Variants in LHFPL3 observed in about 807,000 individuals in gnomAD.
LHFPL3 encodes LHFPL tetraspan subfamily member 3 protein.
Under a neutral mutation model 19.3 loss-of-function variants are expected in LHFPL3, and 5 were observed. That is an observed-to-expected ratio of 0.26 (90% CI 0.14 to 0.54). The LOEUF is 0.54. Among genes scored for constraint, LHFPL3 ranks in the 20% least tolerant of loss-of-function variants. The probability of loss-of-function intolerance (pLI) is 0.94; values close to 1 mark genes in which losing one functional copy is unlikely to be tolerated. For synonymous variants in LHFPL3, 133 were observed against 126.2 expected (o/e 1.05, Z -0.36); for missense variants, 249 against 307.4 (o/e 0.81, Z 1.42).
At chr7:104,497,560 T>A (rs1233716991) in intron 1 of LHFPL3, among the ~76,000 whole-genome samples, 1 of 151,112 alleles carries the variant, frequency 6.6e-6, no homozygotes, top group Non-Finnish European at 1.5e-5. Flanking sequence ...ATTTTGGGGG[T>A]GAAATCTCAT....
At chr7:104,407,369 C>A (rs746492060) in intron 1 of LHFPL3, among the ~76,000 whole-genome samples, 1 of 152,092 alleles carries the variant, frequency 6.6e-6, no homozygotes, top group East Asian at 1.9e-4. Flanking sequence ...TTTAAGAGAA[C>A]CTTCTGGCTG....
intron 1 of LHFPL3, among the ~76,000 whole-genome samples, chr7:104,610,676 A>G (rs1791196712): frequency 6.6e-6 from 1 of 152,230 alleles, no homozygotes; most frequent in Non-Finnish European, 1.5e-5. Flanking sequence ...TGTCTATTCT[A>G]TTCAGATCTT....
At chr7:104,651,986 C>T (rs371046856) in intron 1 of LHFPL3, among the ~76,000 whole-genome samples, 1 of 152,144 alleles carries the variant, frequency 6.6e-6, no homozygotes, top group Admixed American at 6.5e-5. Flanking sequence ...TATCTACGTC[C>T]CCCATATGAT....
chr7:104,729,607 T>A (rs1793655025), intron 1 of LHFPL3, among the ~76,000 whole-genome samples: 1 of 152,158 alleles, frequency 6.6e-6, no homozygotes, highest in Admixed American at 6.5e-5. Context: ...TACGTATAAG[T>A]GAGGTCATGT....
intron 2 of LHFPL3, among the ~76,000 whole-genome samples, chr7:104,761,699 A>G (rs73415656): frequency 2.0e-5 from 3 of 152,244 alleles, no homozygotes; most frequent in African/African-American, 7.2e-5. Context: ...AAGCAAGTAG[A>G]ACAGTCGTAG....
rs1354446035 is a variant in LHFPL3 at position 104,399,993 on chromosome 7, A to T, written c.445+70769A>T. Reference sequence around the variant, plus strand: ...GTGGCAGATGCCTGTAATCCCAGCTACCCGGGAGGCTGAGGCTGAAGAATC... The same window carrying T: ...GTGGCAGATGCCTGTAATCCCAGCTTCCCGGGAGGCTGAGGCTGAAGAATC... On this transcript the variant is annotated intron_variant, in intron 1 of 2. Transcript: ENST00000424859. The surrounding 1 kb of genome is among the most constrained non-coding windows in gnomAD (Gnocchi z 4.4). Among the ~76,000 whole-genome samples, 1 of 150,734 alleles carries T rather than the reference A, an allele frequency of 6.6e-6. No homozygotes were observed. Among genetic ancestry groups the T allele is most frequent in the Non-Finnish European group, 1.5e-5 (1 of 67,676 alleles).
chr7:104,731,158 T>C (rs554398660), intron 1 of LHFPL3, among the ~76,000 whole-genome samples: 1 of 152,330 alleles, frequency 6.6e-6, no homozygotes, highest in African/African-American at 2.4e-5. Flanking sequence ...CCTTGTAGTA[T>C]AGTTTGAAGT....
At chr7:104,756,752 G>A (rs1368914556) in intron 2 of LHFPL3, among the ~76,000 whole-genome samples, 3 of 152,142 alleles carry the variant, frequency 2.0e-5, no homozygotes, top group Non-Finnish European at 4.4e-5. Context: ...CACCCACTTC[G>A]GCCTCCCAAA....
intron 1 of LHFPL3, among the ~76,000 whole-genome samples, chr7:104,678,841 A>G (rs996848908): frequency 6.6e-6 from 1 of 152,216 alleles, no homozygotes; most frequent in Admixed American, 6.5e-5. Context: ...TGCTTTTTAA[A>G]AACAACATGA....
At chr7:104,823,616 T>C (rs1562804087) in intron 2 of LHFPL3, among the ~76,000 whole-genome samples, 1 of 152,320 alleles carries the variant, frequency 6.6e-6, no homozygotes, top group Admixed American at 6.5e-5. Flanking sequence ...TAAAGATCAC[T>C]ATAGATTTAT....
intron 2 of LHFPL3, among the ~76,000 whole-genome samples, chr7:104,865,592 C>T (rs891775440): frequency 2.6e-5 from 4 of 152,140 alleles, no homozygotes; most frequent in African/African-American, 7.2e-5. Context: ...ACCAAATCTA[C>T]GTCTGACTGG....
At chr7:104,661,131 C>A (rs1442081934) in intron 1 of LHFPL3, among the ~76,000 whole-genome samples, 4 of 152,156 alleles carry the variant, frequency 2.6e-5, no homozygotes, top group African/African-American at 9.7e-5. Flanking sequence ...TCCATGACAT[C>A]TCTGGACCCA....
At chr7:104,639,973 G>A (rs910221853) in intron 1 of LHFPL3, among the ~76,000 whole-genome samples, 7 of 152,046 alleles carry the variant, frequency 4.6e-5, no homozygotes, top group Admixed American at 4.6e-4. Context: ...GCAAAATGGG[G>A]CTCATTCAGC....
At chr7:104,474,670 GACAACAACA>G (rs1356816416) in intron 1 of LHFPL3, among the ~76,000 whole-genome samples, 2 of 106,058 alleles carry the variant, frequency 1.9e-5, no homozygotes, top group Non-Finnish European at 3.6e-5. Flanking sequence ...CCATCACAAC[GACAACAACA>G]ACAACAACAA....
At chr7:104,743,284 A>G (rs1793971579) in intron 2 of LHFPL3, among the ~76,000 whole-genome samples, 1 of 152,086 alleles carries the variant, frequency 6.6e-6, no homozygotes, top group Non-Finnish European at 1.5e-5. Flanking sequence ...ACTCTGGTCC[A>G]TGGCAGAGGA....
intron 2 of LHFPL3, among the ~76,000 whole-genome samples, chr7:104,834,714 C>A (rs1440853730): frequency 6.6e-6 from 1 of 151,980 alleles, no homozygotes; most frequent in Non-Finnish European, 1.5e-5. Flanking sequence ...CATGTGTGCA[C>A]AATCCATTCA....
chr7:104,842,297 G>A (rs1216228858), intron 2 of LHFPL3, among the ~76,000 whole-genome samples: 1 of 140,542 alleles, frequency 7.1e-6, no homozygotes, highest in Non-Finnish European at 1.6e-5. Context: ...TGCGGGGGTG[G>A]GGGGGTGGGG....
At position 104,424,983 on chromosome 7, in the gene LHFPL3, T is replaced by TAAAAAA. The variant is rs71153196; in HGVS notation, c.445+95776_445+95781dup. ...GGCGACAGAGTGAGACTCCATCTCA[T>TAAAAAA]AAAAAAAAAAAAAAAAAAAAAAGAA... On this transcript the variant is annotated intron_variant, in intron 1 of 2. Coordinates refer to ENST00000424859, the MANE Select transcript of LHFPL3 (RefSeq NM_199000.3). 1.1e-3 allele frequency among the ~76,000 whole-genome samples: 72 copies of TAAAAAA among 65,144 alleles called. 1 individual carries two copies. Among genetic ancestry groups the TAAAAAA allele is most frequent in the African/African-American group, 2.9e-3 (45 of 15,262 alleles). The allele number at this position is 65,144 out of a possible 152,430, so 42.7% of individuals were successfully genotyped here.
In LHFPL3 at chr7:104,880,602, G is replaced by T. The variant is rs147558272; in HGVS notation, c.683-25585G>T. ...CTAGAAATGGAACAACAAAGCCTGG[G>T]TGACAGCACATCTCTTTACAGCATG... On this transcript the variant is annotated intron_variant, in intron 2 of 2. Transcript: ENST00000424859. 2.8e-3 allele frequency among the ~76,000 whole-genome samples: 422 copies of T among 151,782 alleles called. 11 individuals carry two copies. In the East Asian group the frequency reaches 0.041, roughly 15 times the overall value.
Sources: allele counts gnomAD v4.1 joint callset (sites outside exome capture counted in the v4.1 genomes callset), GRCh38; gene constraint gnomAD v4.1.1; non-coding constraint Gnocchi (gnomAD v3.1); transcripts MANE v1.5; gene names NCBI Gene and HGNC (gene_info 2026-07-23, HGNC 2026-07-21).